The following NBEA variants were observed in gnomAD, a reference collection of about 807,000 sequenced individuals.
The protein encoded by NBEA is lysosomal-trafficking regulator 2.
NBEA carries 44 observed loss-of-function variants against 343.4 expected under a neutral mutation model. The ratio of observed to expected loss-of-function variants is 0.13; its 90% CI spans 0.10 to 0.16. The LOEUF is 0.16. NBEA is among the 10% of genes least tolerant of loss of function. The pLI is 1.00. For missense variants in NBEA, 2,555 were observed against 3,631.3 expected (o/e 0.70, Z 7.62); for synonymous variants, 1,175 against 1,238.7 (o/e 0.95, Z 1.08).
At chr13:34,943,264 A>G in intron 1 of NBEA, 150 bp downstream of exon 1, 1 of 1,052,012 alleles carries the variant, frequency 9.5e-7, no homozygotes, top group Non-Finnish European at 1.4e-6. Context: ...CCAGCGGGTG[A>G]CCTGCCTGCG....
chr13:35,317,160 G>C (rs906588594), intron 36 of NBEA, among the ~76,000 whole-genome samples: 1 of 152,152 alleles, frequency 6.6e-6, no homozygotes, highest in Non-Finnish European at 1.5e-5. Flanking sequence ...ATTGCTTTTG[G>C]TGTTTTAGTC....
intron 41 of NBEA, among the ~76,000 whole-genome samples, chr13:35,547,613 C>T (rs1390666357): frequency 3.9e-5 from 6 of 152,092 alleles, no homozygotes; most frequent in African/African-American, 1.4e-4. Context: ...ATTGGCCAGG[C>T]GTGGTGGCTC....
chr13:35,653,675 AATAAG>A (rs1284489894), intron 53 of NBEA, among the ~76,000 whole-genome samples: 11 of 152,316 alleles, frequency 7.2e-5, no homozygotes, highest in African/African-American at 2.4e-4. Flanking sequence ...TGAACCTGGA[AATAAG>A]ATAAGATACA....
At chr13:35,099,154 C>A (rs1305304697) in intron 11 of NBEA, among the ~76,000 whole-genome samples, 1 of 150,654 alleles carries the variant, frequency 6.6e-6, no homozygotes, top group Non-Finnish European at 1.5e-5. Flanking sequence ...CTCAGCCTCC[C>A]GAGTGTCTGG....
chr13:35,190,611 GAATTA>G (rs1235926476), intron 30 of NBEA, among the ~76,000 whole-genome samples: 13 of 152,264 alleles, frequency 8.5e-5, no homozygotes, highest in African/African-American at 3.1e-4. Context: ...AGATTTTACA[GAATTA>G]GTTCAGGAAA....
At chr13:35,553,336 A>C (rs1232960937) in intron 43 of NBEA, among the ~76,000 whole-genome samples, 1 of 152,082 alleles carries the variant, frequency 6.6e-6, no homozygotes, top group Non-Finnish European at 1.5e-5. Context: ...ACTAATTATT[A>C]GTTTCCTAAT....
At chr13:35,448,183 A>G (rs2046139530) in intron 39 of NBEA, among the ~76,000 whole-genome samples, 1 of 152,124 alleles carries the variant, frequency 6.6e-6, no homozygotes, top group African/African-American at 2.4e-5. Context: ...CTGCTTTAAA[A>G]CCAGAGGGGA....
intron 14 of NBEA, among the ~76,000 whole-genome samples, chr13:35,117,795 A>G (rs2066578244): frequency 6.6e-6 from 1 of 152,032 alleles, no homozygotes; most frequent in Non-Finnish European, 1.5e-5. Context: ...CAGTTTAATA[A>G]GGCTTACATA....
chr13:35,641,614 TA>T (rs1187171229), intron 49 of NBEA, among the ~76,000 whole-genome samples: 2 of 152,028 alleles, frequency 1.3e-5, no homozygotes, highest in Admixed American at 6.6e-5. Context: ...AATTCAAGAA[TA>T]AAAAATAATT....
intron 36 of NBEA, among the ~76,000 whole-genome samples, chr13:35,311,336 A>G (rs1404173679): frequency 2.0e-5 from 3 of 151,344 alleles, no homozygotes; most frequent in African/African-American, 7.3e-5. Flanking sequence ...TATATATAAA[A>G]TTATTATTAT....
chr13:35,531,573 A>G (rs996675457), intron 41 of NBEA, among the ~76,000 whole-genome samples: 2 of 152,112 alleles, frequency 1.3e-5, no homozygotes, highest in South Asian at 2.1e-4. Context: ...TTTCCTTTGT[A>G]TTGTTAGCTT....
rs118168831 is a variant in NBEA, at chr13:35,134,493, T to C, written c.2337-7776T>C. 4.1e-3 allele frequency among the ~76,000 whole-genome samples: 618 copies of C among 151,996 alleles called. 1 individual carries two copies. The highest frequency in any genetic ancestry group is 7.3e-3 in the Non-Finnish European group (498 of 67,874). ...TAAAAAAAGAAATTATGCAAAAATA[T>C]CTTACCTACTTAGAAATTAAGAAGC... On this transcript the variant is annotated intron_variant, in intron 17 of 58. Coordinates refer to ENST00000379939, the MANE Select transcript of NBEA (RefSeq NM_001385012.1).
At chr13:35,338,113 C>T (rs567283370) in intron 36 of NBEA, among the ~76,000 whole-genome samples, 1 of 151,194 alleles carries the variant, frequency 6.6e-6, no homozygotes, top group East Asian at 2.0e-4. Context: ...GAAAAAATAG[C>T]AATTAAAATA....
intron 55 of NBEA, among the ~76,000 whole-genome samples, chr13:35,659,780 T>C (rs1302747824): frequency 6.6e-6 from 1 of 152,334 alleles, no homozygotes; most frequent in Non-Finnish European, 1.5e-5. Context: ...AACGTATAAA[T>C]TATCTTGGAG....
chr13:35,010,855 A>G (rs2061474483), intron 1 of NBEA, among the ~76,000 whole-genome samples: 1 of 146,776 alleles, frequency 6.8e-6, no homozygotes, highest in African/African-American at 2.5e-5. Context: ...TGGAGCCAAA[A>G]AGTTTGAGGC....
At chr13:35,137,679 A>G (rs974337786) in intron 17 of NBEA, among the ~76,000 whole-genome samples, 4 of 151,784 alleles carry the variant, frequency 2.6e-5, no homozygotes, top group Non-Finnish European at 5.9e-5. Flanking sequence ...AAGATATCTA[A>G]TGTTTATTGT....
intron 41 of NBEA, among the ~76,000 whole-genome samples, chr13:35,478,044 C>A (rs1026731770): frequency 1.4e-4 from 21 of 152,072 alleles, no homozygotes; most frequent in Non-Finnish European, 1.6e-4. Flanking sequence ...AAGAATATTT[C>A]CCGTCAAATC....
chr13:34,967,184 G>A (rs115813789), intron 1 of NBEA, among the ~76,000 whole-genome samples: 228 of 151,816 alleles, frequency 1.5e-3, no homozygotes, highest in African/African-American at 5.4e-3. Flanking sequence ...ATTTGAACTT[G>A]GATTCTAATC....
intron 41 of NBEA, chr13:35,475,681 G>T: frequency 6.2e-7 from 1 of 1,613,830 alleles, no homozygotes. Context: ...GCTGGTGTCT[G>T]CCACCATCTT....
Sources: allele counts gnomAD v4.1 joint callset (sites outside exome capture counted in the v4.1 genomes callset), GRCh38; gene constraint gnomAD v4.1.1; transcripts MANE v1.5; gene names NCBI Gene and HGNC (gene_info 2026-07-23, HGNC 2026-07-21).